The following DMD variants were observed in gnomAD, a reference collection of about 807,000 sequenced individuals.
DMD encodes the protein dystrophin.
A neutral mutation model predicts 330.1 loss-of-function variants in DMD; 63 were observed. The observed-to-expected ratio is 0.19, with a 90% CI of 0.16 to 0.24. The LOEUF (loss-of-function observed/expected upper bound fraction) is 0.24. Among genes scored for constraint, DMD ranks in the 10% least tolerant of loss-of-function variants. The pLI is 1.00. For synonymous variants in DMD, 1,223 were observed against 959.8 expected (o/e 1.27, Z -5.07); for missense variants, 3,344 against 2,684.1 (o/e 1.25, Z -5.43).
At chrX:33,302,178 G>A (rs186512869) in intron 1 of DMD, among the ~76,000 whole-genome samples, 2 of 111,514 alleles carry the variant, frequency 1.8e-5, no homozygotes, top group Admixed American at 1.9e-4. Flanking sequence ...AGCTACTTAG[G>A]TTGCTGGTCA....
chrX:31,400,149 C>G, intron 60 of DMD, among the ~76,000 whole-genome samples: 1 of 111,327 alleles, frequency 9.0e-6, no homozygotes, highest in Non-Finnish European at 1.9e-5. Flanking sequence ...CTCAAAATCA[C>G]CAAACTAAAG....
chrX:32,415,625 G>T (rs2098163386), intron 29 of DMD, among the ~76,000 whole-genome samples: 1 of 112,123 alleles, frequency 8.9e-6, no homozygotes, highest in Non-Finnish European at 1.9e-5. Context: ...CCAGAATACT[G>T]TTCCGCTGTT....
intron 53 of DMD, among the ~76,000 whole-genome samples, chrX:31,663,076 G>A (rs2081224094): frequency 9.0e-6 from 1 of 111,499 alleles, no homozygotes; most frequent in Admixed American, 9.5e-5. Context: ...TTGCTAGCTG[G>A]CTTCTAACTA....
At chrX:31,204,378 G>A (rs907074052) in intron 66 of DMD, among the ~76,000 whole-genome samples, 7 of 112,529 alleles carry the variant, frequency 6.2e-5, no homozygotes, top group African/African-American at 2.3e-4. Flanking sequence ...ACGTACCCTC[G>A]ACACTTAAAT....
chrX:32,839,509 G>A (rs2079965645), intron 4 of DMD, among the ~76,000 whole-genome samples: 1 of 111,774 alleles, frequency 8.9e-6, no homozygotes. Flanking sequence ...TTATATACCT[G>A]TGAATTTTAA....
chrX:32,954,613 T>G (rs1419461975), intron 2 of DMD, among the ~76,000 whole-genome samples: 2 of 111,665 alleles, frequency 1.8e-5, no homozygotes, highest in African/African-American at 6.5e-5. Context: ...TCATGGGGAT[T>G]TGTTGTACAG....
chrX:32,946,786 C>T (rs913209838), intron 2 of DMD, among the ~76,000 whole-genome samples: 3 of 111,091 alleles, frequency 2.7e-5, no homozygotes, highest in African/African-American at 9.8e-5. Flanking sequence ...TTTACAAGTT[C>T]AATGGCTTGC....
intron 13 of DMD, among the ~76,000 whole-genome samples, chrX:32,575,641 G>A (rs138313253): frequency 0.033 from 3,672 of 111,860 alleles, 137 homozygotes; most frequent in African/African-American, 0.11. Context: ...CCCTGTCAGT[G>A]CATGTCAGGT....
intron 47 of DMD, among the ~76,000 whole-genome samples, chrX:31,899,107 A>T (rs950583411): frequency 8.9e-6 from 1 of 112,088 alleles, no homozygotes; most frequent in Non-Finnish European, 1.9e-5. Context: ...AGTATGTGGA[A>T]TACATTTATA....
At chrX:32,425,311 T>A (rs188726595) in intron 29 of DMD, among the ~76,000 whole-genome samples, 4 of 111,030 alleles carry the variant, frequency 3.6e-5, no homozygotes, top group African/African-American at 1.3e-4. Context: ...ATAAACTTTC[T>A]CAAACTTACT....
chrX:32,959,020 T>C (rs938375578), intron 2 of DMD, among the ~76,000 whole-genome samples: 1 of 111,692 alleles, frequency 9.0e-6, no homozygotes, highest in Admixed American at 9.6e-5. Flanking sequence ...TTTAATGAAC[T>C]ATACAATATT....
chrX:31,627,092 TG>T (rs905100909), intron 55 of DMD, among the ~76,000 whole-genome samples: 1 of 112,369 alleles, frequency 8.9e-6, no homozygotes, highest in Non-Finnish European at 1.9e-5. Context: ...TTTATGCATA[TG>T]GAACTTTATG....
chrX:33,113,148 A>C (rs2095354121), intron 1 of DMD, among the ~76,000 whole-genome samples: 1 of 104,514 alleles, frequency 9.6e-6, no homozygotes, highest in African/African-American at 3.5e-5. Context: ...CTGCCTCCCA[A>C]GTTCAAGAGA....
At chrX:32,788,630 T>TA (rs2075587765) in intron 7 of DMD, among the ~76,000 whole-genome samples, 1 of 111,999 alleles carries the variant, frequency 8.9e-6, no homozygotes. Context: ...GTCCTGTCAG[T>TA]AAAAGTTGCA....
chrX:33,216,765 T>C (rs1292666330), intron 1 of DMD, among the ~76,000 whole-genome samples: 1 of 111,704 alleles, frequency 9.0e-6, no homozygotes, highest in Non-Finnish European at 1.9e-5. Flanking sequence ...ATGATACATG[T>C]TGTAAAATGA....
intron 60 of DMD, among the ~76,000 whole-genome samples, chrX:31,424,749 T>C: frequency 8.9e-6 from 1 of 112,540 alleles, no homozygotes; most frequent in Middle Eastern, 4.6e-3. Context: ...AAACAACAGA[T>C]AGTCTGACAT....
At chrX:32,121,017 A>C (rs1258752030) in intron 44 of DMD, among the ~76,000 whole-genome samples, 1 of 112,123 alleles carries the variant, frequency 8.9e-6, no homozygotes, top group African/African-American at 3.2e-5. Context: ...ATACAAATGC[A>C]TCGACTGAAA....
At chrX:31,567,752 A>G (rs763033568) in intron 55 of DMD, among the ~76,000 whole-genome samples, 1 of 110,703 alleles carries the variant, frequency 9.0e-6, no homozygotes, top group Non-Finnish European at 1.9e-5. Context: ...TTGCCAGAGA[A>G]AAAGACTAGA....
At chrX:33,260,740 C>G (rs2052940125) in intron 1 of DMD, among the ~76,000 whole-genome samples, 2 of 111,442 alleles carry the variant, frequency 1.8e-5, no homozygotes, top group African/African-American at 3.2e-5. Flanking sequence ...TGTTTTCTTG[C>G]TCATCACTTT....
Sources: allele counts gnomAD v4.1 joint callset (sites outside exome capture counted in the v4.1 genomes callset), GRCh38; gene constraint gnomAD v4.1.1; transcripts MANE v1.5; gene names NCBI Gene and HGNC (gene_info 2026-07-23, HGNC 2026-07-21).